RANBP10: variants seen among roughly 807,000 people sequenced by gnomAD.
RANBP10 encodes RAN binding protein 10.
A neutral mutation model predicts 72.8 loss-of-function variants in RANBP10; 24 were observed. That is an observed-to-expected ratio of 0.33 (90% CI 0.24 to 0.46). The LOEUF (loss-of-function observed/expected upper bound fraction) is 0.46. RANBP10 is among the 20% of genes least tolerant of loss of function. RANBP10 has a pLI of 1.00. For synonymous variants in RANBP10, 310 were observed against 322.3 expected (o/e 0.96, Z 0.41); for missense variants, 679 against 817.5 (o/e 0.83, Z 2.07).
At chr16:67,758,712 T>A (rs981536932) in intron 3 of RANBP10, among the ~76,000 whole-genome samples, 1 of 152,264 alleles carries the variant, frequency 6.6e-6, no homozygotes, top group Non-Finnish European at 1.5e-5. Context: ...TGAAACCTTT[T>A]CTATCAAAGG....
intron 3 of RANBP10, chr16:67,762,731 GCTGATGGAGC>G (rs1774317614): frequency 6.6e-6 from 1 of 152,278 alleles, no homozygotes; most frequent in Admixed American, 6.5e-5. Flanking sequence ...CAGGCCGCAG[GCTGATGGAGC>G]CTGATGCAAT....
intron 3 of RANBP10, among the ~76,000 whole-genome samples, chr16:67,755,328 G>A (rs1444691365): frequency 6.6e-6 from 1 of 152,168 alleles, no homozygotes; most frequent in African/African-American, 2.4e-5. Flanking sequence ...AGTGAGAGTT[G>A]TGACCTGCAC....
At chr16:67,731,378 G>T in intron 7 of RANBP10, 94 bp downstream of exon 7, 1 of 1,046,338 alleles carries the variant, frequency 9.6e-7, no homozygotes, top group Non-Finnish European at 1.5e-6. Flanking sequence ...AGAGCTGAAT[G>T]GACTCCTGAC....
intron 2 of RANBP10, among the ~76,000 whole-genome samples, chr16:67,778,352 A>T (rs1257667120): frequency 6.6e-6 from 1 of 151,984 alleles, no homozygotes; most frequent in Non-Finnish European, 1.5e-5. Context: ...TCTGTCTAAA[A>T]TAAAAAAAAA....
intron 3 of RANBP10, among the ~76,000 whole-genome samples, chr16:67,756,570 G>C (rs1381641330): frequency 1.3e-5 from 2 of 152,228 alleles, no homozygotes; most frequent in South Asian, 4.1e-4. Context: ...AGGTATAGTG[G>C]TGGGTGCCTG....
chr16:67,757,209 A>G (rs2054301914), intron 3 of RANBP10, among the ~76,000 whole-genome samples: 1 of 152,142 alleles, frequency 6.6e-6, no homozygotes, highest in South Asian at 2.1e-4. Context: ...TTTCCTCACC[A>G]TCTTAAACCC....
At chr16:67,802,984 A>G (rs2055264929) in intron 2 of RANBP10, among the ~76,000 whole-genome samples, 2 of 152,216 alleles carry the variant, frequency 1.3e-5, no homozygotes, top group African/African-American at 2.4e-5. Context: ...ACTAGGAGAA[A>G]ACAATCCATT....
At chr16:67,799,554 C>T (rs141851686) in intron 2 of RANBP10, among the ~76,000 whole-genome samples, 374 of 152,100 alleles carry the variant, frequency 2.5e-3, no homozygotes, top group African/African-American at 8.6e-3. Context: ...CCCAAAGTGC[C>T]GGGAATACAG....
intron 7 of RANBP10, 100 bp downstream of exon 7, chr16:67,731,372 C>T: frequency 3.0e-6 from 3 of 984,944 alleles, no homozygotes; most frequent in Non-Finnish European, 4.8e-6. Context: ...AGGACCAGAG[C>T]TGAATGGACT....
rs772679381 is a variant in RANBP10 at position 67,731,499 on chromosome 16, C to T, written c.862G>A (p.Glu288Lys). 1 of 1,614,010 alleles carries T rather than the reference C, an allele frequency of 6.2e-7. No individual in the cohort carries two copies. The highest frequency in any genetic ancestry group is 1.1e-5 in the South Asian group (1 of 91,080). Reference protein sequence around the residue: ...ARMTETPIQEEQASIKNRQKI... With the variant: ...ARMTETPIQEKQASIKNRQKI... ...TGTCTGTTCTTTATGGACGCCTGTT[C>T]TTCCTGAATCGGGGTTTCAGTCATT... Residue 288 changes from glutamate (E) to lysine (K), a missense_variant, in exon 7 of 14, where the codon GAA becomes AAA. By Grantham distance (56) the Glu-to-Lys change is moderately conservative (BLOSUM62 1). Coordinates refer to ENST00000317506, the MANE Select transcript of RANBP10 (RefSeq NM_020850.3).
intron 3 of RANBP10, among the ~76,000 whole-genome samples, chr16:67,744,812 T>C (rs529372958): frequency 6.6e-6 from 1 of 152,310 alleles, no homozygotes. Context: ...TCTGGCAGGT[T>C]GTTTAAAATG....
chr16:67,734,956 A>G lies in RANBP10; in HGVS notation c.678T>C (p.Ile226=). 1 of 1,614,106 alleles carries G rather than the reference A, an allele frequency of 6.2e-7. No homozygotes were observed. Among genetic ancestry groups the G allele is most frequent in the Non-Finnish European group, 8.5e-7 (1 of 1,179,988 alleles). Residue 226 remains isoleucine (I), a synonymous_variant, in exon 6 of 14, where the codon ATT becomes ATC. Coordinates refer to ENST00000317506, the MANE Select transcript of RANBP10 (RefSeq NM_020850.3). ...NFGQQPFLFD[I]EDYMREWRAK... ...CACGCCACTCCCGCATGTAGTCCTC[A>G]ATGTCAAACAGGAAGGGCTGCTGCC...
At chr16:67,769,142 G>T (rs925623899) in intron 3 of RANBP10, among the ~76,000 whole-genome samples, 8 of 151,994 alleles carry the variant, frequency 5.3e-5, no homozygotes, top group Admixed American at 1.3e-4. Flanking sequence ...ATTCCAAATT[G>T]GTACCTAAAG....
intron 6 of RANBP10, among the ~76,000 whole-genome samples, chr16:67,732,607 A>G (rs2053755589): frequency 6.6e-6 from 1 of 152,182 alleles, no homozygotes. Context: ...GATATATTAC[A>G]TAATATTATA....
chr16:67,750,654 C>T lies in RANBP10; in HGVS notation c.401-6199G>A, dbSNP rs192945060. Among the ~76,000 whole-genome samples the T allele has an allele frequency of 2.6e-3, 397 of 152,246 alleles. 5 individuals carry two copies. Among genetic ancestry groups the T allele is most frequent in the African/African-American group, 9.3e-3 (385 of 41,544 alleles). On this transcript the variant is annotated intron_variant, in intron 3 of 13. Coordinates refer to ENST00000317506, the MANE Select transcript of RANBP10 (RefSeq NM_020850.3). ...ACCAGTGACCAGCCCCAGCTGTCAG[C>T]CTGCCTCTTTCTCACACAAGGATGA...
intron 2 of RANBP10, among the ~76,000 whole-genome samples, chr16:67,780,693 T>C (rs1204550286): frequency 6.6e-6 from 1 of 151,860 alleles, no homozygotes; most frequent in African/African-American, 2.4e-5. Flanking sequence ...ATGACAAGGG[T>C]GGGACAGGAG....
chr16:67,773,994 GCA>G (rs1253116939), intron 2 of RANBP10, among the ~76,000 whole-genome samples: 3 of 152,214 alleles, frequency 2.0e-5, no homozygotes, highest in Non-Finnish European at 2.9e-5. Context: ...ATTAAAACTT[GCA>G]CATTTTTCCA....
intron 12 of RANBP10, 73 bp from the exon 13 acceptor site, chr16:67,727,511 G>T (rs1298859390): frequency 6.9e-7 from 1 of 1,447,234 alleles, no homozygotes; most frequent in Non-Finnish European, 9.5e-7. Context: ...GGCTCCAGAG[G>T]GAGACAGGGC....
In RANBP10 at chr16:67,726,405, C is replaced by T; in HGVS notation, c.*23G>A. 6.2e-7 allele frequency: 1 copy of T among 1,610,940 alleles called. No individual in the cohort carries two copies. The highest frequency in any genetic ancestry group is 8.5e-7 in the Non-Finnish European group (1 of 1,178,972). ...AGCCCTGGGGCCAGTGGAGGGCCAG[C>T]CAGAGCCAGCCAGCACAGTCAGCTA... On this transcript the variant is annotated 3_prime_UTR_variant, in exon 14 of 14. Transcript: ENST00000317506.
Sources: gnomAD v4.1 joint callset for allele counts (sites outside exome capture counted in the v4.1 genomes callset) on GRCh38, gnomAD v4.1.1 for gene constraint, MANE v1.5 for transcripts, NCBI Gene and HGNC (gene_info 2026-07-23, HGNC 2026-07-21) for gene names.